RNF17: variants seen among roughly 807,000 people sequenced by gnomAD.
The protein encoded by RNF17 is spermatogenesis associated 23.
A neutral mutation model predicts 200.5 loss-of-function variants in RNF17; 31 were observed. The observed-to-expected ratio is 0.15, with a 90% CI of 0.12 to 0.21. RNF17 has a LOEUF of 0.21. Among genes scored for constraint, RNF17 ranks in the 10% least tolerant of loss-of-function variants. The pLI is 1.00. For missense variants in RNF17, 1,628 were observed against 1,905.1 expected (o/e 0.85, Z 2.71); for synonymous variants, 606 against 637.8 (o/e 0.95, Z 0.75).
At chr13:24,784,867 A>G (rs1882890739) in intron 6 of RNF17, among the ~76,000 whole-genome samples, 1 of 151,786 alleles carries the variant, frequency 6.6e-6, no homozygotes, top group African/African-American at 2.4e-5. Flanking sequence ...CCACCCGCCC[A>G]GCTAATTTTT....
chr13:24,879,612 C>T (rs753194534), intron 35 of RNF17, 125 bp from the exon 36 acceptor site: 6 of 195,702 alleles, frequency 3.1e-5, no homozygotes, highest in African/African-American at 4.6e-5. Flanking sequence ...GAGCAGTCAC[C>T]ATCCTCATAC....
intron 15 of RNF17, among the ~76,000 whole-genome samples, chr13:24,813,823 TTTTTTTTTTTTTTTTTTTTTTA>T (rs1887059957): frequency 1.0e-4 from 4 of 39,744 alleles, no homozygotes; most frequent in Admixed American, 3.2e-4. Context: ...TTTTTTTTTT[TTTTTTTTTTTTTTTTTTTTTTA>T]GAGACAGGTT....
At chr13:24,815,574 C>T (rs963367520) in intron 15 of RNF17, among the ~76,000 whole-genome samples, 1 of 151,690 alleles carries the variant, frequency 6.6e-6, no homozygotes, top group African/African-American at 2.4e-5. Flanking sequence ...TGTCTTTTTA[C>T]CTAATGCCTC....
intron 14 of RNF17, 73 bp from the exon 15 acceptor site, chr13:24,804,215 A>C (rs1401150256): frequency 7.2e-7 from 1 of 1,391,644 alleles, no homozygotes; most frequent in Non-Finnish European, 1.0e-6. Context: ...GTGAGCCATG[A>C]TAGCACCACT....
At chr13:24,768,380 G>A (rs1057366408) in intron 2 of RNF17, among the ~76,000 whole-genome samples, 2 of 150,982 alleles carry the variant, frequency 1.3e-5, no homozygotes, top group Non-Finnish European at 2.9e-5. Flanking sequence ...CGCCTCCCAG[G>A]TCCAAGTGAT....
At chr13:24,827,720 A>AAAAAAAAC (rs1189540023) in intron 16 of RNF17, among the ~76,000 whole-genome samples, 1 of 147,650 alleles carries the variant, frequency 6.8e-6, no homozygotes, top group African/African-American at 2.5e-5. Flanking sequence ...AAAAAAAACA[A>AAAAAAAAC]AAAAAAAAAA....
Position 24,831,963 on chromosome 13 carries a change from A to G in RNF17, c.2467A>G (p.Thr823Ala). 6.3e-7 allele frequency: 1 copy of G among 1,581,828 alleles called. No homozygotes were observed. The highest frequency in any genetic ancestry group is 1.7e-5 in the Admixed American group (1 of 58,064). Residue 823 changes from threonine (T) to alanine (A), a missense_variant, in exon 18 of 36, where the codon ACA becomes GCA. This residue lies in a region of RNF17 where 227 missense variants were observed against 319.8 expected (regional missense o/e 0.71). Coordinates refer to ENST00000255324, the MANE Select transcript of RNF17 (RefSeq NM_031277.3). The part of the protein sequence containing the change: ...FEEKAQDKFM[T>A]CSVIKILEDN... The stretch of plus-strand genomic sequence containing the variant: ...AGAAAAGGCTCAAGATAAATTTATG[A>G]CATGTTCAGTTATCAGTAAGTTCCA...
At chr13:24,858,599 C>A (rs149868909) in intron 25 of RNF17, among the ~76,000 whole-genome samples, 1 of 90,400 alleles carries the variant, frequency 1.1e-5, no homozygotes. Flanking sequence ...TATATGTTTA[C>A]TGTGGAACTA....
chr13:24,819,648 T>G lies in RNF17; in HGVS notation c.2092-5971T>G, dbSNP rs78225430. On this transcript the variant is annotated intron_variant, in intron 15 of 35. Transcript: ENST00000255324. ...TCACAAAAAACTACTTCTCTGCAGC[T>G]CTCTTTTTCCAGTATTTTTGATGTC... 3.0e-4 allele frequency among the ~76,000 whole-genome samples: 45 copies of G among 152,304 alleles called. No individual in the cohort carries two copies. In the East Asian group the frequency reaches 8.7e-3, roughly 29 times the overall value.
rs776859084 is a variant in RNF17, at chr13:24,764,202, C to T, written c.-2C>T. Reference sequence around the variant, plus strand: ...CGGTTGTTCCAGAAGAAAGAGACAGCGATGGCGGCAGAGGCTTCGAAGACT... The same window carrying T: ...CGGTTGTTCCAGAAGAAAGAGACAGTGATGGCGGCAGAGGCTTCGAAGACT... On this transcript the variant is annotated 5_prime_UTR_variant, in exon 1 of 36. Coordinates refer to ENST00000255324, the MANE Select transcript of RNF17 (RefSeq NM_031277.3). 15 of 1,582,256 alleles carry T rather than the reference C, an allele frequency of 9.5e-6. No homozygotes were observed. Among genetic ancestry groups the T allele is most frequent in the African/African-American group, 2.7e-5 (2 of 74,438 alleles).
intron 1 of RNF17, 139 bp downstream of exon 1, chr13:24,764,472 C>G: frequency 8.1e-7 from 1 of 1,235,354 alleles, no homozygotes; most frequent in South Asian, 1.9e-5. Flanking sequence ...AGGCCTCCCG[C>G]GAGCTGCACC....
chr13:24,786,247 T>C (rs1038651380), intron 6 of RNF17, among the ~76,000 whole-genome samples: 1 of 152,182 alleles, frequency 6.6e-6, no homozygotes, highest in South Asian at 2.1e-4. Context: ...GTTATAACAA[T>C]CTGTTTTGAG....
intron 4 of RNF17, among the ~76,000 whole-genome samples, chr13:24,778,908 G>A (rs1881960947): frequency 6.6e-6 from 1 of 152,164 alleles, no homozygotes; most frequent in African/African-American, 2.4e-5. Context: ...ATTAATGGAG[G>A]CCACGTGCAG....
In RNF17 at chr13:24,848,081, A is replaced by G. The variant is rs533322459; in HGVS notation, c.3102-2260A>G. 2.7e-4 allele frequency among the ~76,000 whole-genome samples: 41 copies of G among 152,332 alleles called. 1 individual carries two copies. In the South Asian group the frequency reaches 8.1e-3, roughly 30 times the overall value. ...AACCTGCATTAATTGTCTTAAAGAC[A>G]CTATTTCACTTAATCCTAACAACAA... is the stretch of plus-strand genomic sequence containing the variant. On this transcript the variant is annotated intron_variant, in intron 22 of 35. Coordinates refer to ENST00000255324, the MANE Select transcript of RNF17 (RefSeq NM_031277.3).
chr13:24,797,676 C>A (rs945872421), intron 11 of RNF17, among the ~76,000 whole-genome samples: 5 of 106,438 alleles, frequency 4.7e-5, no homozygotes, highest in Non-Finnish European at 9.9e-5. Context: ...GTCTGAGTGG[C>A]AGGGAGAGAG....
intron 22 of RNF17, among the ~76,000 whole-genome samples, chr13:24,845,751 C>A (rs764417860): frequency 6.6e-6 from 1 of 152,112 alleles, no homozygotes; most frequent in Non-Finnish European, 1.5e-5. Context: ...TATATGAATG[C>A]AAGAAAGAGA....
At chr13:24,830,330 T>C (rs767968382) in intron 16 of RNF17, among the ~76,000 whole-genome samples, 154 bp from the exon 17 acceptor site, 25 of 152,202 alleles carry the variant, frequency 1.6e-4, no homozygotes, top group Non-Finnish European at 2.9e-4. Flanking sequence ...ATTTCGGGGT[T>C]CACATATTTG....
the RNF17 span, among the ~76,000 whole-genome samples, chr13:24,756,476 G>A: frequency 4.6e-5 from 7 of 151,334 alleles, no homozygotes; most frequent in African/African-American, 1.5e-4. Flanking sequence ...AAGTCATAGC[G>A]AATCCCGAAA....
the RNF17 span, among the ~76,000 whole-genome samples, chr13:24,757,638 G>C: frequency 2.0e-5 from 3 of 152,048 alleles, no homozygotes; most frequent in East Asian, 1.9e-4. Flanking sequence ...ATATTCTTAA[G>C]TATAAAGAAC....
Sources: allele counts gnomAD v4.1 joint callset (sites outside exome capture counted in the v4.1 genomes callset), GRCh38; gene constraint gnomAD v4.1.1; regional missense constraint gnomAD v4.1.1; transcripts MANE v1.5; gene names NCBI Gene and HGNC (gene_info 2026-07-23, HGNC 2026-07-21).